The following SERPINI1 variants were observed in gnomAD, a reference collection of about 807,000 sequenced individuals.
The protein encoded by SERPINI1 is neuroserpin.
Under a neutral mutation model 41.1 loss-of-function variants are expected in SERPINI1, and 19 were observed. The observed-to-expected ratio is 0.46, with a 90% CI of 0.32 to 0.68. SERPINI1 has a LOEUF of 0.68. Ranked by LOEUF, SERPINI1 falls within the 30% of genes least tolerant of loss-of-function variation. The probability of loss-of-function intolerance (pLI) is 0.03; values close to 1 mark genes in which losing one functional copy is unlikely to be tolerated. For synonymous variants in SERPINI1, 138 were observed against 156.6 expected (o/e 0.88, Z 0.89); for missense variants, 460 against 479.2 (o/e 0.96, Z 0.37).
chr3:167,775,444 G>A (rs530861268), intron 1 of SERPINI1, among the ~76,000 whole-genome samples: 2 of 151,718 alleles, frequency 1.3e-5, no homozygotes, highest in African/African-American at 4.8e-5. Context: ...ATTTTTAGTA[G>A]AGATGGGCTT....
rs767784461 is a variant in SERPINI1, at chr3:167,794,656, T to C, written c.713T>C (p.Ile238Thr). Residue 238 changes from isoleucine to threonine, a missense_variant, in exon 5 of 9, where the codon ATC becomes ACC. Ile to Thr is a moderately conservative substitution (Grantham distance 89, BLOSUM62 -1). Transcript: ENST00000446050. ...GATGGCTCCAATGAAGCTGGTGGTA[T>C]CTACCAAGTCCTAGAAATACCATAT... ...FSDGSNEAGG[I>T]YQVLEIPYEG... The C allele has an allele frequency of 1.2e-6, 2 of 1,613,674 alleles. No homozygotes were observed.
At chr3:167,747,940 T>G (rs1019389216) in intron 1 of SERPINI1, among the ~76,000 whole-genome samples, 4 of 151,520 alleles carry the variant, frequency 2.6e-5, no homozygotes, top group Non-Finnish European at 2.9e-5. Context: ...TTTTGTTGTT[T>G]TTTTTTTAAT....
intron 8 of SERPINI1, 52 bp downstream of exon 8, chr3:167,824,614 T>G: frequency 3.4e-6 from 4 of 1,174,780 alleles, no homozygotes; most frequent in Non-Finnish European, 5.1e-6. Flanking sequence ...AAAGAACCTC[T>G]TTTTTAAATG....
rs181608304 is a variant in SERPINI1 at position 167,805,118 on chromosome 3, T to C, written c.882-2126T>C. 4.6e-4 allele frequency among the ~76,000 whole-genome samples: 70 copies of C among 152,262 alleles called. 1 individual carries two copies. The East Asian group carries it at 7.5e-3, about 16-fold the overall frequency. ...AAACAAAAATAAAGACCCATGATTCTTTTGTTTAAAAAAACTCTTAAGTGT... is the reference window on the plus strand; with the variant it reads ...AAACAAAAATAAAGACCCATGATTCCTTTGTTTAAAAAAACTCTTAAGTGT... On this transcript the variant is annotated intron_variant, in intron 5 of 8. Coordinates refer to ENST00000446050, the MANE Select transcript of SERPINI1 (RefSeq NM_001122752.2).
At chr3:167,793,395 G>A (rs1265643530) in intron 4 of SERPINI1, among the ~76,000 whole-genome samples, 1 of 151,686 alleles carries the variant, frequency 6.6e-6, no homozygotes, top group Non-Finnish European at 1.5e-5. Flanking sequence ...AATCAGAAAG[G>A]TAATTTTTAG....
At chr3:167,755,511 A>G (rs2108536891) in intron 1 of SERPINI1, among the ~76,000 whole-genome samples, 1 of 152,328 alleles carries the variant, frequency 6.6e-6, no homozygotes, top group East Asian at 1.9e-4. Context: ...AATATTTGTT[A>G]TTTTAGGTTA....
At chr3:167,806,313 G>A (rs1206186677) in intron 5 of SERPINI1, among the ~76,000 whole-genome samples, 1 of 151,716 alleles carries the variant, frequency 6.6e-6, no homozygotes, top group African/African-American at 2.4e-5. Flanking sequence ...CACACACTGG[G>A]TCCTGTCTGA....
At chr3:167,763,381 G>GTA (rs1553772069) in intron 1 of SERPINI1, among the ~76,000 whole-genome samples, 1 of 149,768 alleles carries the variant, frequency 6.7e-6, no homozygotes, top group African/African-American at 2.5e-5. Flanking sequence ...GTGTGTGTAT[G>GTA]TGTGTGTGTG....
At chr3:167,752,146 C>G (rs912074407) in intron 1 of SERPINI1, among the ~76,000 whole-genome samples, 1 of 152,134 alleles carries the variant, frequency 6.6e-6, no homozygotes, top group Non-Finnish European at 1.5e-5. Context: ...GTTTGGGTTT[C>G]CCAGAGCTTG....
At chr3:167,743,551 C>A (rs896240164) in intron 1 of SERPINI1, among the ~76,000 whole-genome samples, 2 of 152,050 alleles carry the variant, frequency 1.3e-5, no homozygotes, top group Non-Finnish European at 1.5e-5. Context: ...ACATTTCTAT[C>A]ATGTTACCCT....
At chr3:167,791,856 G>GC (rs1351776828) in intron 3 of SERPINI1, among the ~76,000 whole-genome samples, 22 of 152,204 alleles carry the variant, frequency 1.4e-4, no homozygotes, top group African/African-American at 5.1e-4. Flanking sequence ...GGGCACAGTG[G>GC]CTCATGCCCT....
intron 1 of SERPINI1, among the ~76,000 whole-genome samples, chr3:167,780,560 A>G (rs1727088828): frequency 6.6e-6 from 1 of 152,180 alleles, no homozygotes; most frequent in African/African-American, 2.4e-5. Context: ...GAATAACCCA[A>G]GGCCAAAAGA....
At position 167,794,649 on chromosome 3, in the gene SERPINI1, G is replaced by A. The variant is rs1727653761; in HGVS notation, c.706G>A (p.Gly236Ser). ...GEFSDGSNEAGGIYQVLEIPY... is the reference protein window; with the variant it reads ...GEFSDGSNEASGIYQVLEIPY... The stretch of plus-strand genomic sequence containing the variant: ...ATTTAGTGATGGCTCCAATGAAGCT[G>A]GTGGTATCTACCAAGTCCTAGAAAT... The change falls in exon 5 of 9, where the codon GGT becomes AGT. Residue 236 changes from glycine (G) to serine (S), a missense_variant. Transcript: ENST00000446050. 1 of 1,613,272 alleles carries A rather than the reference G, an allele frequency of 6.2e-7. No homozygotes were observed. Among genetic ancestry groups the A allele is most frequent in the African/African-American group, 1.3e-5 (1 of 74,824 alleles).
intron 1 of SERPINI1, among the ~76,000 whole-genome samples, chr3:167,743,663 G>T (rs1725751786): frequency 6.6e-6 from 1 of 152,092 alleles, no homozygotes; most frequent in Admixed American, 6.6e-5. Context: ...GGATTCTATA[G>T]GGGAATATAA....
chr3:167,782,069 A>C (rs779953713), intron 1 of SERPINI1, among the ~76,000 whole-genome samples: 1 of 152,132 alleles, frequency 6.6e-6, no homozygotes, highest in Non-Finnish European at 1.5e-5. Flanking sequence ...CTACCATAGC[A>C]CTGTCTATTA....
At chr3:167,776,062 G>C (rs2108548964) in intron 1 of SERPINI1, among the ~76,000 whole-genome samples, 1 of 152,310 alleles carries the variant, frequency 6.6e-6, no homozygotes, top group Middle Eastern at 3.4e-3. Flanking sequence ...AAACAGGCAA[G>C]CCCACTGTCT....
chr3:167,803,511 G>A (rs963837560), intron 5 of SERPINI1, among the ~76,000 whole-genome samples: 24 of 152,000 alleles, frequency 1.6e-4, no homozygotes, highest in Non-Finnish European at 8.8e-5. Flanking sequence ...CTGCATGCTA[G>A]CACCATCCTA....
chr3:167,781,320 AC>A lies in SERPINI1; in HGVS notation c.-18-7790del, dbSNP rs758670035. Among the ~76,000 whole-genome samples the A allele has an allele frequency of 3.9e-5, 6 of 152,174 alleles. No homozygotes were observed. The East Asian group carries it at 5.8e-4, about 15-fold the overall frequency. On this transcript the variant is annotated intron_variant, in intron 1 of 8. Transcript: ENST00000446050. ...ACCAGTCTGTGGCAAAATGAAAAAA[AC>A]AAAGTAGTAATTTTTATGAGTTCAA...
rs554582310 is a variant in SERPINI1, at chr3:167,806,695, A to C, written c.882-549A>C. On this transcript the variant is annotated intron_variant, in intron 5 of 8. Coordinates refer to ENST00000446050, the MANE Select transcript of SERPINI1 (RefSeq NM_001122752.2). ...TGTAGGGAGCTGAAATGCTAAATGT[A>C]TTTATTGCAAAATAGAATTTGGGTC... 2.0e-4 allele frequency among the ~76,000 whole-genome samples: 30 copies of C among 152,076 alleles called. 1 individual carries two copies. Among genetic ancestry groups the C allele is most frequent in the Non-Finnish European group, 5.9e-5 (4 of 68,008 alleles).
Sources: gnomAD v4.1 joint callset for allele counts (sites outside exome capture counted in the v4.1 genomes callset) on GRCh38, gnomAD v4.1.1 for gene constraint, MANE v1.5 for transcripts, NCBI Gene and HGNC (gene_info 2026-07-23, HGNC 2026-07-21) for gene names.